PDE3B: variants seen among roughly 807,000 people sequenced by gnomAD.
PDE3B encodes phosphodiesterase 3B, also known as cGMP-inhibited 3',5'-cyclic phosphodiesterase 3B.
A neutral mutation model predicts 116.8 loss-of-function variants in PDE3B; 66 were observed. That is an observed-to-expected ratio of 0.56 (90% CI 0.46 to 0.69). The LOEUF is 0.69. Among genes scored for constraint, PDE3B ranks in the 30% least tolerant of loss-of-function variants. The probability of loss-of-function intolerance (pLI) is 0.00; values close to 1 mark genes in which losing one functional copy is unlikely to be tolerated. For missense variants in PDE3B, 1,384 were observed against 1,368.1 expected, an observed-to-expected ratio of 1.01 and a Z score of -0.18; for synonymous variants, 595 against 533.6, an observed-to-expected ratio of 1.12 and a Z score of -1.59.
chr11:14,876,606 G>C (rs1848191967), downstream of PDE3B, among the ~76,000 whole-genome samples: 1 of 152,128 alleles, frequency 6.6e-6, no homozygotes. Flanking sequence ...TAATGGATGG[G>C]CACATAACTC....
At chr11:14,832,458 A>G (rs1042021088) in intron 9 of PDE3B, among the ~76,000 whole-genome samples, 1 of 152,214 alleles carries the variant, frequency 6.6e-6, no homozygotes, top group Non-Finnish European at 1.5e-5. Context: ...TTAGGAATAA[A>G]AAGCTAAGGA....
At chr11:14,750,625 T>C (rs1401700318) in intron 1 of PDE3B, among the ~76,000 whole-genome samples, 1 of 152,078 alleles carries the variant, frequency 6.6e-6, no homozygotes. Context: ...TATTGACTGA[T>C]TGGTTTTCTC....
intron 1 of PDE3B, among the ~76,000 whole-genome samples, chr11:14,756,056 T>C (rs995186674): frequency 1.4e-4 from 22 of 152,182 alleles, no homozygotes; most frequent in African/African-American, 5.1e-4. Context: ...AGAATCCTTA[T>C]TTTACAATTA....
intron 14 of PDE3B, among the ~76,000 whole-genome samples, chr11:14,865,615 A>G (rs1848029876): frequency 6.6e-6 from 1 of 152,196 alleles, no homozygotes; most frequent in South Asian, 2.1e-4. Flanking sequence ...AATCATGGAA[A>G]GATTATTAAT....
In PDE3B at chr11:14,643,965, G is replaced by A. The variant is rs1853271543; in HGVS notation, c.-111G>A. The stretch of plus-strand genomic sequence containing the variant: ...GTGGCGGCCGGCGCAGCCCTGACGG[G>A]TTGCGAACCAGGGGGCGCCCCGAAC... On this transcript the variant is annotated 5_prime_UTR_variant, in exon 1 of 16. Transcript: ENST00000282096. The A allele has an allele frequency of 2.9e-6, 4 of 1,369,304 alleles. No homozygotes were observed. Among genetic ancestry groups the A allele is most frequent in the Non-Finnish European group, 3.7e-6 (4 of 1,067,934 alleles). 84.8% of individuals were successfully genotyped at this position (1,369,304 alleles called of 1,614,324 possible). A position where few individuals can be genotyped will look rare whatever the true frequency, so the allele number is the denominator to read the frequency against.
rs1757598928 is a variant in PDE3B, at chr11:14,643,954, A to C, written c.-122A>C. The C allele has an allele frequency of 5.3e-6, 7 of 1,327,372 alleles. No homozygotes were observed. The highest frequency in any genetic ancestry group is 6.7e-6 in the Non-Finnish European group (7 of 1,038,262). 82.2% of individuals were successfully genotyped at this position (1,327,372 alleles called of 1,614,324 possible). A position where few individuals can be genotyped will look rare whatever the true frequency, so the allele number is the denominator to read the frequency against. On this transcript the variant is annotated 5_prime_UTR_variant, in exon 1 of 16. Transcript: ENST00000282096. Reference sequence around the variant, plus strand: ...GACCCCGGGCCGTGGCGGCCGGCGCAGCCCTGACGGGTTGCGAACCAGGGG... The same window carrying C: ...GACCCCGGGCCGTGGCGGCCGGCGCCGCCCTGACGGGTTGCGAACCAGGGG...
chr11:14,647,650 G>A (rs911949228), intron 1 of PDE3B, among the ~76,000 whole-genome samples: 1 of 151,992 alleles, frequency 6.6e-6, no homozygotes, highest in Admixed American at 6.5e-5. Flanking sequence ...AAAAGTATAT[G>A]GGGGTTCATT....
chr11:14,885,658 T>C, the PDE3B span: 1 of 1,110,248 alleles, frequency 9.0e-7, no homozygotes, highest in Non-Finnish European at 1.3e-6. Flanking sequence ...GTTCTGTAAA[T>C]AAATAGTTTC....
chr11:14,644,576 G>A lies in PDE3B; in HGVS notation c.501G>A (p.Leu167=). 1.9e-6 allele frequency: 3 copies of A among 1,587,682 alleles called. No homozygotes were observed. The highest frequency in any genetic ancestry group is 1.3e-5 in the African/African-American group (1 of 74,318). ...LPACCYLGDF[L]VWQWWSWPWG... ...CCTGCTGTTACCTGGGGGACTTCTT[G>A]GTGTGGCAGTGGTGGTCTTGGCCTT... The change falls in exon 1 of 16, where the codon TTG becomes TTA. Residue 167 remains leucine, a synonymous_variant. Coordinates refer to ENST00000282096, the MANE Select transcript of PDE3B (RefSeq NM_000922.4).
At chr11:14,863,834 C>A (rs1360329230) in intron 14 of PDE3B, among the ~76,000 whole-genome samples, 1 of 152,198 alleles carries the variant, frequency 6.6e-6, no homozygotes, top group African/African-American at 2.4e-5. Context: ...AAACCGATAA[C>A]AGCCACCTCA....
intron 4 of PDE3B, among the ~76,000 whole-genome samples, chr11:14,791,959 G>A (rs994963704): frequency 2.0e-5 from 3 of 151,884 alleles, no homozygotes; most frequent in African/African-American, 7.3e-5. Context: ...TTTTTTACTT[G>A]TATTTTTTTA....
At chr11:14,689,152 T>C (rs1268099426) in intron 1 of PDE3B, among the ~76,000 whole-genome samples, 2 of 152,236 alleles carry the variant, frequency 1.3e-5, no homozygotes, top group Non-Finnish European at 2.9e-5. Flanking sequence ...TATGATTTCA[T>C]TGTGCTTTAG....
intron 14 of PDE3B, among the ~76,000 whole-genome samples, chr11:14,864,067 C>T (rs1555007683): frequency 6.6e-6 from 1 of 152,050 alleles, no homozygotes. Context: ...ACCCATCTCA[C>T]GTGCAGACAC....
chr11:14,892,879 C>T, the PDE3B span, among the ~76,000 whole-genome samples: 23 of 152,218 alleles, frequency 1.5e-4, no homozygotes, highest in Admixed American at 1.4e-3. Context: ...AATCACGGGA[C>T]TCTTGTCTGC....
At chr11:14,850,582 T>C (rs1228086441) in intron 12 of PDE3B, among the ~76,000 whole-genome samples, 2 of 152,230 alleles carry the variant, frequency 1.3e-5, no homozygotes, top group African/African-American at 4.8e-5. Context: ...ATTAATCTTT[T>C]TTGTTGTTCT....
At chr11:14,792,031 A>G (rs1177086196) in intron 4 of PDE3B, among the ~76,000 whole-genome samples, 1 of 152,068 alleles carries the variant, frequency 6.6e-6, no homozygotes, top group African/African-American at 2.4e-5. Flanking sequence ...GTGGATGTAG[A>G]AACCTCACAT....
At chr11:14,670,760 A>G (rs1427560572) in intron 1 of PDE3B, among the ~76,000 whole-genome samples, 4 of 152,194 alleles carry the variant, frequency 2.6e-5, no homozygotes, top group African/African-American at 9.6e-5. Context: ...GTAAGAGGAA[A>G]TGTGTTTGAT....
At chr11:14,883,061 A>T in the PDE3B span, among the ~76,000 whole-genome samples, 1 of 152,238 alleles carries the variant, frequency 6.6e-6, no homozygotes, top group Non-Finnish European at 1.5e-5. Context: ...AGAACATTCC[A>T]TGCTCATGGG....
At chr11:14,865,808 G>A (rs2133995066) in intron 14 of PDE3B, among the ~76,000 whole-genome samples, 1 of 152,174 alleles carries the variant, frequency 6.6e-6, no homozygotes, top group African/African-American at 2.4e-5. Flanking sequence ...TAGGGAAAAT[G>A]TTATCTTTAT....
Sources: gnomAD v4.1 joint callset for allele counts (sites outside exome capture counted in the v4.1 genomes callset) on GRCh38, gnomAD v4.1.1 for gene constraint, MANE v1.5 for transcripts, NCBI Gene and HGNC (gene_info 2026-07-23, HGNC 2026-07-21) for gene names.